ROBO2: variants seen among roughly 807,000 people sequenced by gnomAD.
ROBO2 encodes roundabout homolog 2.
Under a neutral mutation model 160.8 loss-of-function variants are expected in ROBO2, and 53 were observed. That is an observed-to-expected ratio of 0.33 (90% confidence interval 0.26 to 0.41). The LOEUF (loss-of-function observed/expected upper bound fraction) is 0.41, where lower values mean the gene tolerates loss of function less well. Among genes scored for constraint, ROBO2 ranks in the 10% least tolerant of loss-of-function variants. The pLI, the probability that ROBO2 is intolerant of heterozygous loss-of-function variation, is 1.00. For missense variants in ROBO2, 1,577 were observed against 1,722.4 expected (o/e 0.92, Z 1.49); for synonymous variants, 664 against 611.7 (o/e 1.09, Z -1.26).
chr3:76,813,039 C>T (rs971196571), intron 2 of ROBO2, among the ~76,000 whole-genome samples: 1 of 148,052 alleles, frequency 6.8e-6, no homozygotes, highest in Non-Finnish European at 1.5e-5. Context: ...GGCACACTTA[C>T]TGAGCAAGCT....
chr3:77,422,615 A>G (rs1371068848), intron 2 of ROBO2, among the ~76,000 whole-genome samples: 1 of 152,144 alleles, frequency 6.6e-6, no homozygotes, highest in Non-Finnish European at 1.5e-5. Flanking sequence ...GGATTTACAA[A>G]TGATTATCTT....
intron 2 of ROBO2, among the ~76,000 whole-genome samples, chr3:76,244,506 T>A (rs1478059772): frequency 6.6e-6 from 1 of 152,076 alleles, no homozygotes; most frequent in Non-Finnish European, 1.5e-5. Flanking sequence ...CCCCTAATAA[T>A]TGTGGCATTA....
chr3:76,035,647 T>C (rs2067081705), intron 2 of ROBO2, among the ~76,000 whole-genome samples: 1 of 151,986 alleles, frequency 6.6e-6, no homozygotes, highest in Non-Finnish European at 1.5e-5. Context: ...ATTAGTTGAG[T>C]GCAATTATAT....
intron 6 of ROBO2, 134 bp downstream of exon 6, chr3:77,523,036 C>G (rs1582684494): frequency 1.0e-6 from 1 of 959,582 alleles, no homozygotes; most frequent in East Asian, 2.5e-5. Flanking sequence ...TGTGTCCTCT[C>G]TATCATTAGT....
At chr3:76,675,003 G>A (rs1157315090) in intron 2 of ROBO2, among the ~76,000 whole-genome samples, 1 of 152,178 alleles carries the variant, frequency 6.6e-6, no homozygotes, top group Non-Finnish European at 1.5e-5. Context: ...CTCCTTTGGA[G>A]AGCGTCATAA....
intron 2 of ROBO2, among the ~76,000 whole-genome samples, chr3:76,504,763 C>T (rs1411137167): frequency 6.6e-6 from 1 of 152,006 alleles, no homozygotes; most frequent in Non-Finnish European, 1.5e-5. Context: ...CTCCTGACCT[C>T]GTGAGCCACC....
rs73841268 is a variant in ROBO2 at position 76,662,077 on chromosome 3, G to C, written c.110-435937G>C. 1.3e-3 allele frequency among the ~76,000 whole-genome samples: 199 copies of C among 152,202 alleles called. 1 individual carries two copies. The highest frequency in any genetic ancestry group is 2.0e-3 in the Admixed American group (31 of 15,288). Reference sequence around the variant, plus strand: ...GTGAGTTATGCCTGAATTCCAAAGAGAGGAGGGTGTAAGGAGACATATTCA... The same window carrying C: ...GTGAGTTATGCCTGAATTCCAAAGACAGGAGGGTGTAAGGAGACATATTCA... On this transcript the variant is annotated intron_variant, in intron 2 of 26. Transcript: ENST00000487694.
chr3:77,574,850 T>A, intron 14 of ROBO2, 120 bp downstream of exon 15: 1 of 752,030 alleles, frequency 1.3e-6, no homozygotes. Flanking sequence ...ATTGAGGAAG[T>A]GTCGTTTTCT....
At chr3:76,045,391 C>T (rs1484831197) in intron 2 of ROBO2, among the ~76,000 whole-genome samples, 4 of 151,966 alleles carry the variant, frequency 2.6e-5, no homozygotes, top group Non-Finnish European at 4.4e-5. Flanking sequence ...CTCCAGTGGC[C>T]TCAGGAGCCA....
exon 3 of ROBO2, chr3:77,477,478 C>A: frequency 1.2e-6 from 2 of 1,613,798 alleles, no homozygotes; most frequent in Non-Finnish European, 8.5e-7. Flanking sequence ...AGCCTGCAAT[C>A]CTGGAGTGCC....
At chr3:77,517,043 C>T (rs2090095005) in intron 5 of ROBO2, among the ~76,000 whole-genome samples, 1 of 151,302 alleles carries the variant, frequency 6.6e-6, no homozygotes, top group Non-Finnish European at 1.5e-5. Flanking sequence ...CATACATGCT[C>T]TTGGAAATAA....
intron 2 of ROBO2, among the ~76,000 whole-genome samples, chr3:76,347,023 A>G (rs1048851717): frequency 1.8e-4 from 27 of 152,288 alleles, no homozygotes; most frequent in African/African-American, 6.5e-4. Context: ...TTTGTGGCTG[A>G]ACACCTAAGG....
At chr3:76,481,691 C>T (rs2079217424) in intron 2 of ROBO2, among the ~76,000 whole-genome samples, 1 of 152,060 alleles carries the variant, frequency 6.6e-6, no homozygotes, top group Admixed American at 6.6e-5. Context: ...GTGAGTGAAT[C>T]CCAGAAATCT....
Position 76,146,031 on chromosome 3 carries a change from T to C in ROBO2, c.109+208429T>C, listed in dbSNP as rs184764281. On this transcript the variant is annotated intron_variant, in intron 2 of 26. Coordinates refer to the ROBO2 transcript ENST00000487694. ...CGCTGTTCATCAACTTTAATTCTGG[T>C]TTATATCATACACAGTTTAGATTCC... Among the ~76,000 whole-genome samples the C allele has an allele frequency of 4.6e-5, 7 of 152,116 alleles. No homozygotes were observed. The East Asian group carries it at 1.2e-3, about 25-fold the overall frequency.
intron 2 of ROBO2, among the ~76,000 whole-genome samples, chr3:76,919,724 T>A (rs2148983005): frequency 6.6e-6 from 1 of 152,288 alleles, no homozygotes; most frequent in South Asian, 2.1e-4. Context: ...CCTTTAAATT[T>A]AATTTTTACT....
At chr3:77,019,467 T>G (rs1187975287) in intron 2 of ROBO2, among the ~76,000 whole-genome samples, 1 of 152,034 alleles carries the variant, frequency 6.6e-6, no homozygotes, top group Non-Finnish European at 1.5e-5. Context: ...GACACAAACA[T>G]GCAAACCATA....
At chr3:77,114,642 G>A (rs532079535) in intron 2 of ROBO2, among the ~76,000 whole-genome samples, 52 of 152,160 alleles carry the variant, frequency 3.4e-4, no homozygotes, top group Non-Finnish European at 6.9e-4. Flanking sequence ...ATGGTTTTTT[G>A]AAAGATTATG....
chr3:77,162,564 C>T (rs1049929514), intron 2 of ROBO2, among the ~76,000 whole-genome samples: 4 of 152,170 alleles, frequency 2.6e-5, no homozygotes, highest in African/African-American at 9.7e-5. Flanking sequence ...GTTCTGGAAA[C>T]TTACATAATG....
intron 2 of ROBO2, among the ~76,000 whole-genome samples, chr3:76,156,289 T>C (rs2072404990): frequency 6.6e-6 from 1 of 152,086 alleles, no homozygotes; most frequent in African/African-American, 2.4e-5. Flanking sequence ...TTCTATGTGC[T>C]TAAAGTGACA....
Sources: allele counts gnomAD v4.1 joint callset (sites outside exome capture counted in the v4.1 genomes callset), GRCh38; gene constraint gnomAD v4.1.1; transcripts MANE v1.5; gene names NCBI Gene and HGNC (gene_info 2026-07-23, HGNC 2026-07-21).